KIAA0319L: variants seen among roughly 807,000 people sequenced by gnomAD.
KIAA0319L encodes the protein dyslexia-associated protein KIAA0319-like protein.
A neutral mutation model predicts 120.1 loss-of-function variants in KIAA0319L; 55 were observed. The ratio of observed to expected loss-of-function variants is 0.46; its 90% confidence interval spans 0.37 to 0.57. The LOEUF (loss-of-function observed/expected upper bound fraction) is 0.57, where lower values mean the gene tolerates loss of function less well. Among genes scored for constraint, KIAA0319L ranks in the 20% least tolerant of loss-of-function variants. The pLI is 0.00. For missense variants in KIAA0319L, 1,049 were observed against 1,255.3 expected (o/e 0.84, Z 2.48); for synonymous variants, 398 against 471.9 (o/e 0.84, Z 2.03).
chr1:35,450,128 C>G, intron 14 of KIAA0319L, 123 bp from the exon 15 acceptor site: 1 of 1,235,636 alleles, frequency 8.1e-7, no homozygotes, highest in Non-Finnish European at 1.2e-6. Context: ...TGGGCAGTTC[C>G]TGATACGGAA....
At chr1:35,445,153 CAAT>C (rs1438929084) in intron 16 of KIAA0319L, among the ~76,000 whole-genome samples, 1 of 152,102 alleles carries the variant, frequency 6.6e-6, no homozygotes, top group Non-Finnish European at 1.5e-5. Context: ...CAGTTGCTTC[CAAT>C]ACAAGCAGCC....
intron 5 of KIAA0319L, among the ~76,000 whole-genome samples, 175 bp downstream of exon 5, chr1:35,474,630 G>C (rs1246955550): frequency 6.6e-6 from 1 of 152,118 alleles, no homozygotes; most frequent in African/African-American, 2.4e-5. Context: ...AGTCAGAGGA[G>C]GGAAAAAGAT....
chr1:35,478,883 C>T, intron 4 of KIAA0319L, 83 bp downstream of exon 4: 1 of 1,482,710 alleles, frequency 6.7e-7, no homozygotes, highest in East Asian at 2.3e-5. Context: ...AGTTATGCCT[C>T]CCTTCCTTCT....
intron 3 of KIAA0319L, among the ~76,000 whole-genome samples, chr1:35,505,882 G>C (rs138483531): frequency 6.6e-6 from 1 of 152,166 alleles, no homozygotes; most frequent in Non-Finnish European, 1.5e-5. Context: ...TACACAGAGC[G>C]CTTGGCATGT....
intron 2 of KIAA0319L, among the ~76,000 whole-genome samples, chr1:35,527,220 T>A (rs977044792): frequency 3.3e-5 from 5 of 152,184 alleles, no homozygotes; most frequent in African/African-American, 1.2e-4. Flanking sequence ...GAACCATCCT[T>A]GCATCCCTGG....
At chr1:35,556,704 A>G (rs1648118088) in intron 1 of KIAA0319L, 1 of 152,242 alleles carries the variant, frequency 6.6e-6, no homozygotes, top group African/African-American at 2.4e-5. Context: ...GAGGTTATCA[A>G]TTTTGACTTC....
chr1:35,491,747 G>A (rs1406405375), intron 3 of KIAA0319L, among the ~76,000 whole-genome samples: 3 of 152,120 alleles, frequency 2.0e-5, no homozygotes, highest in Non-Finnish European at 2.9e-5. Context: ...GGAGAAATGA[G>A]ACAGCAAGAG....
chr1:35,493,772 G>A (rs1004225258), intron 3 of KIAA0319L, among the ~76,000 whole-genome samples: 3 of 151,978 alleles, frequency 2.0e-5, no homozygotes, highest in African/African-American at 4.8e-5. Context: ...TTGAGCCCAG[G>A]AGGTCATGGC....
chr1:35,526,417 A>G (rs1265346897), intron 2 of KIAA0319L, among the ~76,000 whole-genome samples: 2 of 143,668 alleles, frequency 1.4e-5, no homozygotes, highest in African/African-American at 2.6e-5. Flanking sequence ...ATATACACAC[A>G]TACATATATA....
intron 3 of KIAA0319L, among the ~76,000 whole-genome samples, 174 bp from the exon 4 acceptor site, chr1:35,479,386 T>A (rs139831187): frequency 0.014 from 2,167 of 152,260 alleles, 58 homozygotes; most frequent in African/African-American, 0.048. Flanking sequence ...TTGAGATAAA[T>A]CTTGAGTTTT....
intron 2 of KIAA0319L, among the ~76,000 whole-genome samples, chr1:35,519,548 T>G (rs2148438921): frequency 6.6e-6 from 1 of 152,282 alleles, no homozygotes; most frequent in South Asian, 2.1e-4. Flanking sequence ...AGAGCAGACC[T>G]TGATTATATG....
intron 6 of KIAA0319L, 83 bp downstream of exon 6, chr1:35,470,780 A>T: frequency 1.2e-6 from 1 of 865,034 alleles, no homozygotes; most frequent in East Asian, 2.4e-5. Context: ...ACTTAAGTGT[A>T]GACAGAAAAT....
intron 2 of KIAA0319L, among the ~76,000 whole-genome samples, chr1:35,545,299 C>G (rs1177146000): frequency 6.6e-6 from 1 of 152,090 alleles, no homozygotes; most frequent in Non-Finnish European, 1.5e-5. Flanking sequence ...TGCCATACAC[C>G]AGCAGAGACA....
At chr1:35,482,665 G>A (rs1286373797) in intron 3 of KIAA0319L, among the ~76,000 whole-genome samples, 2 of 152,130 alleles carry the variant, frequency 1.3e-5, no homozygotes, top group Non-Finnish European at 2.9e-5. Context: ...CAGACCTCAA[G>A]CGATCCACCC....
intron 2 of KIAA0319L, among the ~76,000 whole-genome samples, chr1:35,525,799 TTTG>T (rs1220453121): frequency 6.6e-6 from 1 of 152,184 alleles, no homozygotes; most frequent in Non-Finnish European, 1.5e-5. Context: ...CTCTCTTCAC[TTTG>T]TTGTTTCATT....
At chr1:35,502,419 C>T (rs1558503439) in intron 3 of KIAA0319L, among the ~76,000 whole-genome samples, 1 of 149,150 alleles carries the variant, frequency 6.7e-6, no homozygotes, top group Non-Finnish European at 1.5e-5. Flanking sequence ...GTTATTGCTG[C>T]TGTCATCATC....
At chr1:35,440,987 C>T (rs1241755979) in intron 20 of KIAA0319L, 60 bp downstream of exon 20, 1 of 1,313,068 alleles carries the variant, frequency 7.6e-7, no homozygotes, top group East Asian at 2.3e-5. Flanking sequence ...GGGCTAGTGA[C>T]AGCAGCCTTC....
intron 2 of KIAA0319L, among the ~76,000 whole-genome samples, chr1:35,551,420 C>T (rs534516238): frequency 1.3e-5 from 2 of 152,058 alleles, no homozygotes; most frequent in East Asian, 1.9e-4. Flanking sequence ...CGGGTTCAAG[C>T]GATTCTCCTG....
At chr1:35,476,048 A>G (rs1322922493) in intron 4 of KIAA0319L, among the ~76,000 whole-genome samples, 2 of 152,234 alleles carry the variant, frequency 1.3e-5, no homozygotes, top group Admixed American at 6.5e-5. Context: ...AGACCATTTC[A>G]GTTCAAACTG....
Sources: gnomAD v4.1 joint callset for allele counts (sites outside exome capture counted in the v4.1 genomes callset) on GRCh38, gnomAD v4.1.1 for gene constraint, MANE v1.5 for transcripts, NCBI Gene and HGNC (gene_info 2026-07-23, HGNC 2026-07-21) for gene names.